C3orf20: variants seen among roughly 807,000 people sequenced by gnomAD.
C3orf20 encodes family with sequence similarity 149 member C.
In C3orf20, 76 loss-of-function variants were observed where a neutral mutation model predicts 88.3. That is an observed-to-expected ratio of 0.86 (90% confidence interval 0.72 to 1.04). The LOEUF is 1.04. Ranked by LOEUF, C3orf20 falls within the 50% of genes least tolerant of loss-of-function variation. The probability of loss-of-function intolerance (pLI) is 0.00; values close to 1 mark genes in which losing one functional copy is unlikely to be tolerated. For synonymous variants in C3orf20, 436 were observed against 437.4 expected, an observed-to-expected ratio of 1.00 and a Z score of 0.04; for missense variants, 1,056 against 1,123.3, an observed-to-expected ratio of 0.94 and a Z score of 0.86.
intron 12 of C3orf20, among the ~76,000 whole-genome samples, chr3:14,734,330 C>A (rs2034636903): frequency 1.3e-5 from 2 of 151,924 alleles, no homozygotes; most frequent in Admixed American, 6.6e-5. Context: ...TGAATATATA[C>A]ATATAATATT....
intron 6 of C3orf20, 141 bp from the exon 7 acceptor site, chr3:14,704,196 A>G: frequency 1.2e-6 from 1 of 833,086 alleles, no homozygotes; most frequent in South Asian, 1.8e-5. Flanking sequence ...TTTATGGACG[A>G]GGGAGCATGG....
intron 12 of C3orf20, among the ~76,000 whole-genome samples, chr3:14,732,173 GT>G (rs966143033): frequency 1.3e-5 from 2 of 152,304 alleles, no homozygotes; most frequent in East Asian, 1.9e-4. Flanking sequence ...TTGGGGTTTG[GT>G]TTTTTGCCAT....
intron 8 of C3orf20, 47 bp downstream of exon 8, chr3:14,714,206 G>T: frequency 6.3e-7 from 1 of 1,599,656 alleles, no homozygotes. Flanking sequence ...ACCTCTGAGG[G>T]TGATGGAGGG....
intron 13 of C3orf20, among the ~76,000 whole-genome samples, chr3:14,758,034 T>C (rs2035435809): frequency 6.6e-6 from 1 of 152,148 alleles, no homozygotes; most frequent in Non-Finnish European, 1.5e-5. Context: ...TCCTCAGGGC[T>C]CTGAAAATAC....
intron 12 of C3orf20, among the ~76,000 whole-genome samples, chr3:14,738,303 G>GATTACAGGCATCTTCCACCATGCCCAACT (rs1559431953): frequency 6.6e-6 from 1 of 151,246 alleles, no homozygotes; most frequent in East Asian, 1.9e-4. Context: ...GAACAGCTGG[G>GATTACAGGCATCTTCCACCATGCCCAACT]ATTACAGGCA....
chr3:14,708,167 C>T (rs1162265779), intron 7 of C3orf20, among the ~76,000 whole-genome samples: 1 of 152,124 alleles, frequency 6.6e-6, no homozygotes, highest in Non-Finnish European at 1.5e-5. Flanking sequence ...GTCTTGCGGT[C>T]TTTGAAGCAT....
At chr3:14,705,204 C>A (rs1251576835) in intron 7 of C3orf20, among the ~76,000 whole-genome samples, 1 of 152,234 alleles carries the variant, frequency 6.6e-6, no homozygotes, top group East Asian at 1.9e-4. Flanking sequence ...AAAGGAGACA[C>A]ATTTTCTCTT....
chr3:14,724,704 G>A (rs1000915877), intron 10 of C3orf20, among the ~76,000 whole-genome samples: 3 of 152,080 alleles, frequency 2.0e-5, no homozygotes, highest in Admixed American at 1.3e-4. Flanking sequence ...TGATATACTG[G>A]TTTAAATAAA....
At chr3:14,678,800 G>C (rs962942307) in intron 1 of C3orf20, among the ~76,000 whole-genome samples, 33 of 152,176 alleles carry the variant, frequency 2.2e-4, no homozygotes, top group African/African-American at 7.7e-4. Context: ...CATGGCCCCT[G>C]CCCTCCAATT....
intron 7 of C3orf20, 56 bp from the exon 8 acceptor site, chr3:14,713,951 A>T (rs1026497067): frequency 2.6e-5 from 41 of 1,601,302 alleles, no homozygotes; most frequent in Non-Finnish European, 3.5e-5. Context: ...CAATGGGACA[A>T]CTGAGAGCAG....
chr3:14,683,551 C>G (rs532674513), intron 3 of C3orf20, among the ~76,000 whole-genome samples: 1 of 152,012 alleles, frequency 6.6e-6, no homozygotes, highest in African/African-American at 2.4e-5. Context: ...CAGACAGAGC[C>G]CAGTAGAGCC....
intron 12 of C3orf20, among the ~76,000 whole-genome samples, chr3:14,738,718 G>A (rs1294719071): frequency 5.3e-5 from 6 of 113,428 alleles, no homozygotes; most frequent in East Asian, 3.3e-4. Flanking sequence ...TTGGCTCACC[G>A]CAACCTCCGG....
At chr3:14,712,180 GCGCA>G (rs56812866) in intron 7 of C3orf20, among the ~76,000 whole-genome samples, 4,486 of 108,708 alleles carry the variant, frequency 0.041, 121 homozygotes, top group South Asian at 0.11. Context: ...ACACGCGCGC[GCGCA>G]CACACACACA....
At chr3:14,735,065 T>C (rs2034663099) in intron 12 of C3orf20, among the ~76,000 whole-genome samples, 1 of 139,750 alleles carries the variant, frequency 7.2e-6, no homozygotes, top group Non-Finnish European at 1.6e-5. Flanking sequence ...ACTTTCACCC[T>C]TTCTGCTCCT....
Position 14,690,054 on chromosome 3 carries a change from A to G in C3orf20, c.683A>G (p.His228Arg). The G allele has an allele frequency of 6.2e-7, 1 of 1,614,020 alleles. No homozygotes were observed. The highest frequency in any genetic ancestry group is 8.5e-7 in the Non-Finnish European group (1 of 1,179,992). ...AACTCGCCTTACCAGCTGATCTACC[A>G]CTCTTCCACAGCCTGTCTGAGCTTT... ...GVNSPYQLIY[H>R]SSTACLSFSL... is the part of the protein sequence containing the mutation. Residue 228 changes from histidine to arginine, a missense_variant, in exon 5 of 17, where the codon CAC becomes CGC. Transcript: ENST00000253697.
chr3:14,690,044 C>G lies in C3orf20; in HGVS notation c.673C>G (p.Leu225Val), dbSNP rs545224682. The G allele has an allele frequency of 6.2e-7, 1 of 1,614,106 alleles. No individual in the cohort carries two copies. Among genetic ancestry groups the G allele is most frequent in the Non-Finnish European group, 8.5e-7 (1 of 1,180,040 alleles). ...SAIGVNSPYQ[L>V]IYHSSTACLS... The stretch of plus-strand genomic sequence containing the variant: ...CATTGGGGTGAACTCGCCTTACCAG[C>G]TGATCTACCACTCTTCCACAGCCTG... Residue 225 changes from leucine to valine, a missense_variant, in exon 5 of 17, where the codon CTG becomes GTG. By Grantham distance (32) the Leu-to-Val change is conservative. Transcript: ENST00000253697.
At chr3:14,707,353 GTTCA>G (rs2033552036) in intron 7 of C3orf20, among the ~76,000 whole-genome samples, 1 of 150,888 alleles carries the variant, frequency 6.6e-6, no homozygotes, top group South Asian at 2.1e-4. Flanking sequence ...CTGTCTCAAT[GTTCA>G]TTCATTCATT....
rs2032193294 is a variant in C3orf20, at chr3:14,683,099, C to T, written c.386C>T (p.Thr129Ile). The T allele has an allele frequency of 1.9e-6, 3 of 1,613,872 alleles. No homozygotes were observed. The African/African-American group carries it at 4.0e-5, about 22-fold the overall frequency. ...CCCACCATGGCCCGTCAGGTGCGCA[C>T]CCACCAGGAGACCCTGAACAGGTTT... ...LSPTMARQVR[T>I]HQETLNRFQQ... is the part of the protein sequence containing the mutation. Residue 129 changes from threonine (T) to isoleucine (I), a missense_variant, in exon 3 of 17, where the codon ACC (threonine) becomes ATC (isoleucine). Physicochemically the swap from Thr to Ile is moderately conservative, Grantham distance 89 (BLOSUM62 -1). Coordinates refer to ENST00000253697, the MANE Select transcript of C3orf20 (RefSeq NM_032137.5).
At chr3:14,746,579 A>G (rs2035064523) in intron 12 of C3orf20, among the ~76,000 whole-genome samples, 2 of 152,154 alleles carry the variant, frequency 1.3e-5, no homozygotes, top group South Asian at 2.1e-4. Context: ...TTGATCAACT[A>G]TCTTGAAGTT....
Sources: allele counts gnomAD v4.1 joint callset (sites outside exome capture counted in the v4.1 genomes callset), GRCh38; gene constraint gnomAD v4.1.1; transcripts MANE v1.5; gene names NCBI Gene and HGNC (gene_info 2026-07-23, HGNC 2026-07-21).